Variants in TBC1D8 observed in about 807,000 individuals in gnomAD.
TBC1D8 encodes TBC1 domain family member 8.
Under a neutral mutation model 118.8 loss-of-function variants are expected in TBC1D8, and 65 were observed. The ratio of observed to expected loss-of-function variants is 0.55; its 90% CI spans 0.45 to 0.67. The LOEUF (loss-of-function observed/expected upper bound fraction) is 0.67, where lower values mean the gene tolerates loss of function less well. Ranked by LOEUF, TBC1D8 falls within the 30% of genes least tolerant of loss-of-function variation. The probability of loss-of-function intolerance (pLI) is 0.00; values close to 1 mark genes in which losing one functional copy is unlikely to be tolerated. For synonymous variants in TBC1D8, 566 were observed against 595.8 expected, an observed-to-expected ratio of 0.95 and a Z score of 0.73; for missense variants, 1,376 against 1,471.2, an observed-to-expected ratio of 0.94 and a Z score of 1.06.
In TBC1D8 at chr2:101,071,700, A is replaced by T. The variant is rs1421755512; in HGVS notation, c.284-12161T>A. 1.3e-5 allele frequency among the ~76,000 whole-genome samples: 2 copies of T among 152,194 alleles called. 1 individual carries two copies. Among genetic ancestry groups the T allele is most frequent in the East Asian group, 3.8e-4 (2 of 5,196 alleles). On this transcript the variant is annotated intron_variant, in intron 2 of 19. Coordinates refer to ENST00000409318, the MANE Select transcript of TBC1D8 (RefSeq NM_001330348.2). ...TTAAATAATTTACTATTGTACTCTC[A>T]TTTTAAAAGTTTGCAGGGAAAAAAA...
Position 101,082,307 on chromosome 2 carries a change from G to A in TBC1D8, c.283+7902C>T, listed in dbSNP as rs141359982. Among the ~76,000 whole-genome samples the A allele has an allele frequency of 2.2e-3, 342 of 152,230 alleles. 1 individual carries two copies. The highest frequency in any genetic ancestry group is 7.9e-3 in the African/African-American group (327 of 41,528). ...AAGCACAGGACAGAGTCATGACTAA[G>A]ACCATCAGATACGTAGAAATGGCAA... On this transcript the variant is annotated intron_variant, in intron 2 of 19. Coordinates refer to ENST00000409318, the MANE Select transcript of TBC1D8 (RefSeq NM_001330348.2).
At chr2:101,038,373 C>T in intron 7 of TBC1D8, 88 bp downstream of exon 7, 1 of 1,428,368 alleles carries the variant, frequency 7.0e-7, no homozygotes, top group Non-Finnish European at 9.6e-7. Context: ...TTCTCATCCC[C>T]ACATGGCTCT....
intron 1 of TBC1D8, among the ~76,000 whole-genome samples, chr2:101,139,711 G>T (rs1426093999): frequency 6.6e-6 from 1 of 152,078 alleles, no homozygotes; most frequent in East Asian, 1.9e-4. Context: ...CATTTCCTCT[G>T]CTCAGACGGC....
chr2:101,141,952 T>C (rs543696115), intron 1 of TBC1D8, among the ~76,000 whole-genome samples: 1 of 152,198 alleles, frequency 6.6e-6, no homozygotes, highest in East Asian at 1.9e-4. Context: ...CTCATCCCTA[T>C]TAGTAACAAT....
intron 4 of TBC1D8, among the ~76,000 whole-genome samples, chr2:101,052,121 G>A (rs754382175): frequency 5.3e-5 from 8 of 152,156 alleles, no homozygotes; most frequent in East Asian, 1.9e-4. Context: ...CAGCATTCAC[G>A]GTGTAAGCTA....
intron 1 of TBC1D8, among the ~76,000 whole-genome samples, chr2:101,133,430 A>G (rs541828434): frequency 6.6e-6 from 1 of 151,988 alleles, no homozygotes; most frequent in African/African-American, 2.4e-5. Flanking sequence ...TCCCTGTCTT[A>G]GTCCATTTCG....
At chr2:101,035,231 T>TGA (rs1680933767) in intron 9 of TBC1D8, among the ~76,000 whole-genome samples, 1 of 152,046 alleles carries the variant, frequency 6.6e-6, no homozygotes, top group Non-Finnish European at 1.5e-5. Flanking sequence ...TCACCTGGCC[T>TGA]CCCACAGCAC....
In TBC1D8 at chr2:101,008,121, G is replaced by A; in HGVS notation, c.3168C>T (p.Ser1056=). Residue 1056 remains serine, a synonymous_variant, in exon 20 of 20, where the codon TCC becomes TCT. Transcript: ENST00000409318. ...GQRGSSSGSC[S]QECGEELRAS... is the part of the protein sequence containing the mutation. ...CCCGCAGCTCCTCCCCACACTCCTG[G>A]GAGCAGCTTCCAGAGCTGCTGCCTC... 1 of 1,613,846 alleles carries A rather than the reference G, an allele frequency of 6.2e-7. No individual in the cohort carries two copies. Among genetic ancestry groups the A allele is most frequent in the South Asian group, 1.1e-5 (1 of 91,080 alleles).
Position 101,036,013 on chromosome 2 carries a change from C to T in TBC1D8, c.1603+5G>A, listed in dbSNP as rs767106690. On this transcript the variant is annotated splice_donor_5th_base_variant and intron_variant, in intron 9 of 19. Coordinates refer to ENST00000409318, the MANE Select transcript of TBC1D8 (RefSeq NM_001330348.2). ...AATTAGCTTCGAGACACCAAGAGCG[C>T]TTACCTGAGAAGAGAAGCCAGAGTC... The T allele has an allele frequency of 8.7e-6, 14 of 1,613,756 alleles. No individual in the cohort carries two copies. The highest frequency in any genetic ancestry group is 1.2e-5 in the Non-Finnish European group (14 of 1,179,826).
At chr2:101,126,577 AG>A in intron 1 of TBC1D8, among the ~76,000 whole-genome samples, 1 of 152,366 alleles carries the variant, frequency 6.6e-6, no homozygotes, top group African/African-American at 2.4e-5. Flanking sequence ...GGGGGTAACC[AG>A]GTGGCCTAGA....
At chr2:101,068,132 A>T (rs749943858) in intron 2 of TBC1D8, among the ~76,000 whole-genome samples, 5 of 152,260 alleles carry the variant, frequency 3.3e-5, no homozygotes, top group Non-Finnish European at 7.4e-5. Flanking sequence ...GACTCCCTCC[A>T]CTGAAGCCTT....
intron 15 of TBC1D8, among the ~76,000 whole-genome samples, chr2:101,025,094 A>G (rs1254575791): frequency 6.6e-6 from 1 of 152,298 alleles, no homozygotes; most frequent in East Asian, 1.9e-4. Context: ...GTGTGTGTGT[A>G]TGTATTGTAG....
rs535219718 is a variant in TBC1D8 at position 101,052,394 on chromosome 2, G to A, written c.631+1714C>T. On this transcript the variant is annotated intron_variant, in intron 4 of 19. Coordinates refer to ENST00000409318, the MANE Select transcript of TBC1D8 (RefSeq NM_001330348.2). ...AGAACAGAAAGTCTAAACATCTGGCGGCTTGCTGTCATCAGAGAGGCATGC... is the reference window on the plus strand; with the variant it reads ...AGAACAGAAAGTCTAAACATCTGGCAGCTTGCTGTCATCAGAGAGGCATGC... Among the ~76,000 whole-genome samples the A allele has an allele frequency of 7.9e-5, 12 of 152,170 alleles. No homozygotes were observed. The South Asian group carries it at 1.7e-3, about 21-fold the overall frequency.
At chr2:101,050,726 C>T in intron 4 of TBC1D8, 85 bp from the exon 5 acceptor site, 2 of 1,516,096 alleles carry the variant, frequency 1.3e-6, no homozygotes, top group Non-Finnish European at 1.8e-6. Flanking sequence ...ATCCAAAGCT[C>T]TCCTTAGGCC....
chr2:101,022,620 A>G (rs1026539085), intron 15 of TBC1D8, 99 bp from the exon 16 acceptor site: 59 of 1,458,034 alleles, frequency 4.0e-5, no homozygotes, highest in East Asian at 1.3e-4. Flanking sequence ...CAATCTCACC[A>G]CTCTAACTGG....
At chr2:101,145,327 T>C (rs1679276250) in intron 1 of TBC1D8, among the ~76,000 whole-genome samples, 1 of 152,214 alleles carries the variant, frequency 6.6e-6, no homozygotes, top group Admixed American at 6.5e-5. Context: ...AGATGTATGA[T>C]CCTAAAATCA....
rs767873814 is a variant in TBC1D8 at position 101,028,344 on chromosome 2, G to A, written c.2311C>T (p.Pro771Ser). 2.5e-6 allele frequency: 4 copies of A among 1,612,974 alleles called. No homozygotes were observed. The South Asian group carries it at 3.3e-5, about 13-fold the overall frequency. The change falls in exon 13 of 20, where the codon CCT becomes TCT. Residue 771 changes from proline to serine, a missense_variant. Pro to Ser is a moderately conservative substitution (Grantham distance 74). Coordinates refer to ENST00000409318, the MANE Select transcript of TBC1D8 (RefSeq NM_001330348.2). ...AFFSDDQEPY[P>S]VTDISDLIRD... ...ATCAGGTCCGAAATATCAGTCACAGGGTAGGGCTCCTGGTCGTCGGAGAAA... is the reference window on the plus strand; with the variant it reads ...ATCAGGTCCGAAATATCAGTCACAGAGTAGGGCTCCTGGTCGTCGGAGAAA...
chr2:101,116,665 G>A (rs1292887850), intron 1 of TBC1D8, among the ~76,000 whole-genome samples: 1 of 150,350 alleles, frequency 6.7e-6, no homozygotes, highest in Non-Finnish European at 1.5e-5. Flanking sequence ...TTTTGAGACA[G>A]AGTCTCCCTC....
chr2:101,109,986 G>T lies in TBC1D8; in HGVS notation c.128-19622C>A, dbSNP rs563544020. On this transcript the variant is annotated intron_variant, in intron 1 of 19. Coordinates refer to ENST00000409318, the MANE Select transcript of TBC1D8 (RefSeq NM_001330348.2). ...TTCCTTTCCGCAGCAGTTCCATATGGCTTGTCTGGCGCTACAGGAAAATCC... is the reference window on the plus strand; with the variant it reads ...TTCCTTTCCGCAGCAGTTCCATATGTCTTGTCTGGCGCTACAGGAAAATCC... 3 of 985,432 alleles carry T rather than the reference G, an allele frequency of 3.0e-6. No individual in the cohort carries two copies. The African/African-American group carries it at 5.2e-5, about 17-fold the overall frequency. The allele number at this position is 985,432 out of a possible 1,614,324, so 61.0% of individuals were successfully genotyped here.
Sources: allele counts gnomAD v4.1 joint callset (sites outside exome capture counted in the v4.1 genomes callset), GRCh38; gene constraint gnomAD v4.1.1; transcripts MANE v1.5; gene names NCBI Gene and HGNC (gene_info 2026-07-23, HGNC 2026-07-21).